BEST1: variants seen among roughly 807,000 people sequenced by gnomAD.
BEST1 encodes the protein bestrophin-1.
A neutral mutation model predicts 63.3 loss-of-function variants in BEST1; 58 were observed. That is an observed-to-expected ratio of 0.92 (90% CI 0.74 to 1.14). The LOEUF is 1.14. Among genes scored for constraint, BEST1 ranks in the 50% most tolerant of loss-of-function variants. The pLI is 0.00. For synonymous variants in BEST1, 283 were observed against 291.6 expected, an observed-to-expected ratio of 0.97 and a Z score of 0.30; for missense variants, 671 against 740.1, an observed-to-expected ratio of 0.91 and a Z score of 1.08.
chr11:61,958,113 C>G (rs773216730), intron 6 of BEST1, 33 bp from the exon 7 acceptor site: 9 of 1,360,008 alleles, frequency 6.6e-6, no homozygotes, highest in Non-Finnish European at 7.9e-6. Context: ...TCCCACCTAG[C>G]CCTTTGCTAC....
At chr11:61,958,637 C>G (rs1028516349) in intron 7 of BEST1, 4 of 562,922 alleles carry the variant, frequency 7.1e-6, no homozygotes, top group Non-Finnish European at 1.3e-5. Flanking sequence ...GGCACCACCT[C>G]TCCTTATTCA....
chr11:61,958,233 G>A lies in BEST1; in HGVS notation c.802G>A (p.Glu268Lys). ...CCCAGCCAAGGCCTACCCTGGCCAT[G>A]AGCTGGACCTCGTTGTGCCCGTCTT... ...LNPAKAYPGH[E>K]LDLVVPVFTF... is the part of the protein sequence containing the mutation. Residue 268 changes from glutamate to lysine, a missense_variant, in exon 7 of 11, where the codon GAG becomes AAG. Physicochemically the swap from Glu to Lys is moderately conservative, Grantham distance 56 (BLOSUM62 1). Transcript: ENST00000378043. 6.2e-7 allele frequency: 1 copy of A among 1,614,210 alleles called. No individual in the cohort carries two copies. Among genetic ancestry groups the A allele is most frequent in the Admixed American group, 1.7e-5 (1 of 60,026 alleles).
chr11:61,964,031 T>C, intron 10 of BEST1, 73 bp from the exon 11 acceptor site: 1 of 1,607,134 alleles, frequency 6.2e-7, no homozygotes, highest in Non-Finnish European at 8.5e-7. Context: ...TTTGCCCTCC[T>C]ACTGCAACAT....
chr11:61,965,137 C>T (rs1255032443), downstream of BEST1: 2 of 1,602,564 alleles, frequency 1.2e-6, no homozygotes, highest in Non-Finnish European at 1.7e-6. Context: ...GTTAATGCAT[C>T]TCTACCAACT....
intron 5 of BEST1, 73 bp downstream of exon 5, chr11:61,957,071 C>T: frequency 1.2e-6 from 2 of 1,603,886 alleles, no homozygotes; most frequent in South Asian, 2.2e-5. Context: ...AGGTTTCCTA[C>T]AAAGAGAAGC....
intron 7 of BEST1, 179 bp from the exon 8 acceptor site, chr11:61,959,319 G>A (rs1941782461): frequency 3.0e-6 from 2 of 674,938 alleles, no homozygotes; most frequent in Non-Finnish European, 5.4e-6. Context: ...GCTGTGTCCA[G>A]AAGTGTGTGG....
rs1565048081 is a variant in BEST1 at position 61,964,410 on chromosome 11, C to A, written c.*288C>A. 9.5e-6 allele frequency: 6 copies of A among 631,654 alleles called. No homozygotes were observed. The highest frequency in any genetic ancestry group is 3.0e-5 in the Admixed American group (1 of 33,640). 39.1% of individuals were successfully genotyped at this position (631,654 alleles called of 1,614,324 possible). A position where few individuals can be genotyped will look rare whatever the true frequency, so the allele number is the denominator to read the frequency against. Reference sequence around the variant, plus strand: ...GTTCTATCTGAATCCAAGACAGCCACACCTTAGTATACTGCCCAAACTAAT... The same window carrying A: ...GTTCTATCTGAATCCAAGACAGCCAAACCTTAGTATACTGCCCAAACTAAT... On this transcript the variant is annotated 3_prime_UTR_variant, in exon 11 of 11. Transcript: ENST00000378043.
chr11:61,965,091 C>T, downstream of BEST1: 2 of 1,606,402 alleles, frequency 1.2e-6, no homozygotes, highest in Non-Finnish European at 1.7e-6. Flanking sequence ...AGCCCGCTCT[C>T]CCAGTCATCA....
intron 2 of BEST1, chr11:61,954,847 T>C (rs1941099996): frequency 1.0e-6 from 1 of 985,282 alleles, no homozygotes; most frequent in African/African-American, 1.7e-5. Context: ...GGACCTTCCT[T>C]CCTACACATC....
chr11:61,962,779 C>T lies in BEST1; in HGVS notation c.1625C>T (p.Thr542Met), dbSNP rs543908813. 69 of 1,614,184 alleles carry T rather than the reference C, an allele frequency of 4.3e-5. No individual in the cohort carries two copies. The highest frequency in any genetic ancestry group is 8.9e-5 in the East Asian group (4 of 44,880). ...AGGAAAACTGTGGAGTTTAACCTGA[C>T]GGATATGCCAGAGATCCCCGAAAAT... ...VRRKTVEFNL[T>M]DMPEIPENHL... is the part of the protein sequence containing the mutation. The change falls in exon 10 of 11, where the codon ACG (threonine) becomes ATG (methionine). Residue 542 changes from threonine to methionine, a missense_variant. Coordinates refer to ENST00000378043, the MANE Select transcript of BEST1 (RefSeq NM_004183.4).
At chr11:61,955,319 C>G (rs1442062215) in intron 3 of BEST1, 118 bp downstream of exon 3, 7 of 1,555,422 alleles carry the variant, frequency 4.5e-6, no homozygotes, top group Non-Finnish European at 6.1e-6. Context: ...GGAACGCCAG[C>G]GGCAGGTCGG....
chr11:61,956,326 C>G (rs1240116786), intron 4 of BEST1, among the ~76,000 whole-genome samples: 1 of 152,102 alleles, frequency 6.6e-6, no homozygotes, highest in African/African-American at 2.4e-5. Flanking sequence ...TCTGACACCC[C>G]CTCAGCCTGG....
rs1382130218 is a variant in BEST1 at position 61,964,126 on chromosome 11, G to A, written c.*4G>A. The stretch of plus-strand genomic sequence containing the variant: ...TAGGGATGAAGCACATTCCTAACCT[G>A]CTTCCTAATGGGGATGCTTCGCCAG... On this transcript the variant is annotated 3_prime_UTR_variant, in exon 11 of 11. Coordinates refer to ENST00000378043, the MANE Select transcript of BEST1 (RefSeq NM_004183.4). 4 of 1,613,890 alleles carry A rather than the reference G, an allele frequency of 2.5e-6. No homozygotes were observed. In the Admixed American group the frequency reaches 6.7e-5, roughly 27 times the overall value.
intron 10 of BEST1, chr11:61,963,320 T>C (rs1942274732): frequency 5.2e-6 from 7 of 1,339,354 alleles, no homozygotes; most frequent in Non-Finnish European, 6.7e-6. Flanking sequence ...CATAACTATT[T>C]AGGGTAGTAC....
intron 3 of BEST1, 40 bp downstream of exon 3, chr11:61,955,241 G>A (rs965734150): frequency 3.7e-6 from 6 of 1,609,232 alleles, no homozygotes; most frequent in Non-Finnish European, 5.1e-6. Context: ...CCCTGTGGCC[G>A]CCCAGGCTCC....
At chr11:61,961,712 G>A (rs140662241) in intron 9 of BEST1, 1 of 166,192 alleles carries the variant, frequency 6.0e-6, no homozygotes, top group Admixed American at 5.6e-5. Flanking sequence ...CTGAGCCATG[G>A]AACATGGGAA....
chr11:61,958,794 A>C, intron 7 of BEST1: 11 of 289,590 alleles, frequency 3.8e-5, no homozygotes, highest in East Asian at 9.6e-5. Flanking sequence ...TTGCCCACCC[A>C]CTCTCTCTCC....
At chr11:61,962,167 G>A in intron 9 of BEST1, 88 bp from the exon 10 acceptor site, 1 of 1,466,820 alleles carries the variant, frequency 6.8e-7, no homozygotes, top group African/African-American at 1.4e-5. Context: ...GGCCAACTGA[G>A]AGAGAGGAGC....
chr11:61,965,208 C>G (rs561131409), downstream of BEST1: 6 of 1,594,520 alleles, frequency 3.8e-6, no homozygotes, highest in Admixed American at 6.7e-5. Flanking sequence ...AGGGACATTA[C>G]TATTTGCCTA....
Sources: gnomAD v4.1 joint callset for allele counts (sites outside exome capture counted in the v4.1 genomes callset) on GRCh38, gnomAD v4.1.1 for gene constraint, MANE v1.5 for transcripts, NCBI Gene and HGNC (gene_info 2026-07-23, HGNC 2026-07-21) for gene names.